LMNTD1: variants seen among roughly 807,000 people sequenced by gnomAD.
The protein encoded by LMNTD1 is lamin tail domain-containing protein 1.
Under a neutral mutation model 50.9 loss-of-function variants are expected in LMNTD1, and 35 were observed. The ratio of observed to expected loss-of-function variants is 0.69; its 90% CI spans 0.53 to 0.91. The LOEUF (loss-of-function observed/expected upper bound fraction) is 0.91, where lower values mean the gene tolerates loss of function less well. Among genes scored for constraint, LMNTD1 ranks in the 40% least tolerant of loss-of-function variants. LMNTD1 has a pLI of 0.00. For missense variants in LMNTD1, 470 were observed against 475.5 expected (o/e 0.99, Z 0.11); for synonymous variants, 153 against 161.9 (o/e 0.94, Z 0.42).
intron 1 of LMNTD1, among the ~76,000 whole-genome samples, chr12:25,577,968 T>C (rs1444436659): frequency 6.6e-6 from 1 of 152,164 alleles, no homozygotes; most frequent in Non-Finnish European, 1.5e-5. Context: ...CCCACTGGAC[T>C]GAATCCTCCT....
chr12:25,536,150 C>A (rs368390612), intron 4 of LMNTD1, among the ~76,000 whole-genome samples: 13 of 151,994 alleles, frequency 8.6e-5, no homozygotes, highest in East Asian at 5.8e-4. Context: ...TATTAATACC[C>A]CTCTCTCAAT....
rs149822584 is a variant in LMNTD1 at position 25,481,206 on chromosome 12, G to C, written c.*23-4746C>G. Among the ~76,000 whole-genome samples, 444 of 151,478 alleles carry C rather than the reference G, an allele frequency of 2.9e-3. 10 individuals carry two copies. Among genetic ancestry groups the C allele is most frequent in the African/African-American group, 0.01 (418 of 40,790 alleles). On this transcript the variant is annotated intron_variant, in intron 9 of 9. Transcript: ENST00000458174. The stretch of plus-strand genomic sequence containing the variant: ...CCTTGTCCATCCTATTTGAATCAAA[G>C]TAAACCTCCTTCAGCAGTTCCTTAT...
intron 3 of LMNTD1, chr12:25,547,081 T>C: frequency 4.7e-6 from 1 of 211,036 alleles, no homozygotes; most frequent in Non-Finnish European, 8.2e-6. Flanking sequence ...AAAGTCATGC[T>C]TAATCAGATT....
At chr12:25,535,999 G>C (rs1412039352) in intron 4 of LMNTD1, among the ~76,000 whole-genome samples, 1 of 143,224 alleles carries the variant, frequency 7.0e-6, no homozygotes, top group East Asian at 2.0e-4. Context: ...ATTTCATAAT[G>C]ATACAAGGAT....
chr12:25,550,290 A>G (rs1047484421), intron 2 of LMNTD1, among the ~76,000 whole-genome samples: 3 of 152,198 alleles, frequency 2.0e-5, no homozygotes, highest in African/African-American at 7.2e-5. Context: ...CAATTATTTT[A>G]CAAGTTAAAC....
chr12:25,526,039 T>TA, intron 6 of LMNTD1, 60 bp downstream of exon 6: 1 of 1,375,060 alleles, frequency 7.3e-7, no homozygotes. Flanking sequence ...AAAATACAGA[T>TA]ATGCTCAATA....
At chr12:25,495,966 G>A (rs540197292) in intron 9 of LMNTD1, among the ~76,000 whole-genome samples, 1 of 152,280 alleles carries the variant, frequency 6.6e-6, no homozygotes, top group African/African-American at 2.4e-5. Context: ...GTGTAGAAGA[G>A]CTCCAAGGAG....
chr12:25,531,844 A>T (rs1221341328), intron 4 of LMNTD1, among the ~76,000 whole-genome samples: 1 of 152,218 alleles, frequency 6.6e-6, no homozygotes, highest in Non-Finnish European at 1.5e-5. Flanking sequence ...GATTCAGTCT[A>T]GATATTTACT....
intron 3 of LMNTD1, 95 bp from the exon 4 acceptor site, chr12:25,546,649 A>G (rs1310828915): frequency 1.5e-6 from 1 of 663,294 alleles, no homozygotes; most frequent in East Asian, 3.3e-5. Flanking sequence ...CTCTGCTTCT[A>G]CAAAATTATA....
intron 9 of LMNTD1, among the ~76,000 whole-genome samples, chr12:25,489,385 G>A (rs543646080): frequency 1.3e-5 from 2 of 151,862 alleles, no homozygotes; most frequent in East Asian, 3.9e-4. Flanking sequence ...GGAGTGACCT[G>A]ATTTTCCAGG....
At chr12:25,620,489 T>C (rs748294250) in intron 1 of LMNTD1, among the ~76,000 whole-genome samples, 9 of 152,172 alleles carry the variant, frequency 5.9e-5, no homozygotes, top group Non-Finnish European at 1.0e-4. Context: ...TGGTAAAGTA[T>C]ACCTTTTCAA....
chr12:25,518,920 C>A lies in LMNTD1; in HGVS notation c.1064G>T (p.Cys355Phe). Reference protein sequence around the residue: ...PTVFPNRSPWCQNPYVSAHPY... With the variant: ...PTVFPNRSPWFQNPYVSAHPY... ...ATGTGCAGAGACATAGGGATTCTGG[C>A]ACCAAGGGCTGCGATTAGGGAAAAC... The change falls in exon 8 of 10, where the codon TGC becomes TTC. Residue 355 changes from cysteine (C) to phenylalanine (F), a missense_variant. Physicochemically the swap from Cys to Phe is radical, Grantham distance 205. Coordinates refer to ENST00000458174, the MANE Select transcript of LMNTD1 (RefSeq NM_001145728.2). 1 of 1,614,050 alleles carries A rather than the reference C, an allele frequency of 6.2e-7. No individual in the cohort carries two copies. The highest frequency in any genetic ancestry group is 1.1e-5 in the South Asian group (1 of 91,076).
chr12:25,526,706 G>T, intron 5 of LMNTD1, 63 bp downstream of exon 5: 1 of 1,096,886 alleles, frequency 9.1e-7, no homozygotes, highest in Non-Finnish European at 1.3e-6. Flanking sequence ...GCCACAGACT[G>T]TCAGTGTCAA....
chr12:25,478,189 T>G (rs1054352995), intron 9 of LMNTD1, among the ~76,000 whole-genome samples: 1 of 152,148 alleles, frequency 6.6e-6, no homozygotes. Flanking sequence ...TCCAATCAAG[T>G]TGACACTCAG....
intron 1 of LMNTD1, among the ~76,000 whole-genome samples, chr12:25,586,830 G>C (rs1455966793): frequency 1.3e-5 from 2 of 152,154 alleles, no homozygotes; most frequent in Non-Finnish European, 2.9e-5. Context: ...TTAGTGTATA[G>C]CTGATGACCT....
chr12:25,606,709 T>C (rs1946113901), intron 1 of LMNTD1, among the ~76,000 whole-genome samples: 1 of 152,230 alleles, frequency 6.6e-6, no homozygotes, highest in African/African-American at 2.4e-5. Flanking sequence ...ATAAGCTTTT[T>C]CATGTGCTGC....
intron 1 of LMNTD1, among the ~76,000 whole-genome samples, chr12:25,571,192 C>A (rs891803533): frequency 6.6e-6 from 1 of 152,038 alleles, no homozygotes; most frequent in Non-Finnish European, 1.5e-5. Context: ...ATTACCTCAG[C>A]AAATGAAAAC....
rs1373581335 is a variant in LMNTD1, at chr12:25,524,336, T to C, written c.798+1763A>G. Among the ~76,000 whole-genome samples the C allele has an allele frequency of 2.6e-5, 4 of 152,204 alleles. No individual in the cohort carries two copies. In the East Asian group the frequency reaches 5.8e-4, roughly 22 times the overall value. ...AGCGCCATTCCTGACAGATACGAAATATATTTAAATATTTTCCGTATGGAT... is the reference window on the plus strand; with the variant it reads ...AGCGCCATTCCTGACAGATACGAAACATATTTAAATATTTTCCGTATGGAT... On this transcript the variant is annotated intron_variant, in intron 6 of 9. Coordinates refer to ENST00000458174, the MANE Select transcript of LMNTD1 (RefSeq NM_001145728.2).
At chr12:25,568,146 A>C (rs1367312340) in intron 1 of LMNTD1, among the ~76,000 whole-genome samples, 1 of 152,182 alleles carries the variant, frequency 6.6e-6, no homozygotes, top group African/African-American at 2.4e-5. Flanking sequence ...CTTTTCAGGA[A>C]CTGGAGCAAA....
Sources: gnomAD v4.1 joint callset for allele counts (sites outside exome capture counted in the v4.1 genomes callset) on GRCh38, gnomAD v4.1.1 for gene constraint, MANE v1.5 for transcripts, NCBI Gene and HGNC (gene_info 2026-07-23, HGNC 2026-07-21) for gene names.